Variants in VWF observed in about 807,000 individuals in gnomAD.
VWF encodes the protein von Willebrand factor, also known as Factor VIII related antigen.
A neutral mutation model predicts 308.6 loss-of-function variants in VWF; 176 were observed. The observed-to-expected ratio is 0.57, with a 90% CI of 0.50 to 0.65. The LOEUF (loss-of-function observed/expected upper bound fraction) is 0.65. Among genes scored for constraint, VWF ranks in the 30% least tolerant of loss-of-function variants. VWF has a pLI of 0.00. For missense variants in VWF, 3,146 were observed against 3,648.2 expected (o/e 0.86, Z 3.55); for synonymous variants, 1,385 against 1,443.4 (o/e 0.96, Z 0.92).
At position 6,046,903 on chromosome 12, in the gene VWF, C is replaced by T; in HGVS notation, c.2187-86G>A. On this transcript the variant is annotated intron_variant, in intron 16 of 51. Coordinates refer to ENST00000261405, the MANE Select transcript of VWF (RefSeq NM_000552.5). The surrounding 1 kb of genome is among the most constrained non-coding windows in gnomAD (Gnocchi z 5.0). ...ATCTTCACCTCCCACTCACTCTCTG[C>T]CCCTTCCAACCAGGTCCCAGTCCCA... 1 of 1,225,948 alleles carries T rather than the reference C, an allele frequency of 8.2e-7. No homozygotes were observed. The highest frequency in any genetic ancestry group is 2.5e-5 in the East Asian group (1 of 40,754). 75.9% of individuals were successfully genotyped at this position (1,225,948 alleles called of 1,614,324 possible). A position where few individuals can be genotyped will look rare whatever the true frequency, so the allele number is the denominator to read the frequency against.
intron 47 of VWF, among the ~76,000 whole-genome samples, chr12:5,959,470 G>T (rs1046185557): frequency 1.3e-5 from 2 of 152,120 alleles, no homozygotes; most frequent in Non-Finnish European, 2.9e-5. Flanking sequence ...GAACCAATAT[G>T]ACCTAGTTGG....
At chr12:6,040,824 G>T (rs1944388243) in intron 18 of VWF, among the ~76,000 whole-genome samples, 2 of 152,190 alleles carry the variant, frequency 1.3e-5, no homozygotes, top group Non-Finnish European at 2.9e-5. Context: ...CAGGTGCCAG[G>T]CCTGGGACAA....
intron 32 of VWF, among the ~76,000 whole-genome samples, chr12:6,012,703 ATT>A (rs148790795): frequency 0.056 from 7,329 of 130,642 alleles, 640 homozygotes; most frequent in African/African-American, 0.19. Context: ...GTGTGTGTGT[ATT>A]TTTTTTTTTT....
chr12:5,991,115 GT>G (rs1943736687), intron 38 of VWF, among the ~76,000 whole-genome samples: 1 of 151,304 alleles, frequency 6.6e-6, no homozygotes, highest in Admixed American at 6.6e-5. Flanking sequence ...GTATTTATGA[GT>G]GACACAGGAT....
At chr12:6,108,341 A>C (rs1945267417) in intron 5 of VWF, among the ~76,000 whole-genome samples, 1 of 136,398 alleles carries the variant, frequency 7.3e-6, no homozygotes, top group Admixed American at 7.1e-5. Context: ...ATATACACAC[A>C]CACACACACA....
chr12:6,123,093 CA>C (rs1168129613), intron 2 of VWF, 48 bp downstream of exon 2: 1 of 1,611,476 alleles, frequency 6.2e-7, no homozygotes, highest in East Asian at 2.2e-5. Context: ...GGTGTCACTC[CA>C]GATGGCCCTG....
rs376088085 is a variant in VWF, at chr12:6,110,597, C to T, written c.324-15G>A. ...GCATGGAGACTCTGGAGGGCAAAGG[C>T]TAAGTTCAGAAGTGGGCTTCTTGTG... On this transcript the variant is annotated splice_polypyrimidine_tract_variant and intron_variant, in intron 4 of 51. Transcript: ENST00000261405. 19 of 1,613,540 alleles carry T rather than the reference C, an allele frequency of 1.2e-5. No individual in the cohort carries two copies. In the African/African-American group the frequency reaches 1.7e-4, roughly 15 times the overall value.
chr12:5,983,030 A>T, intron 41 of VWF, 120 bp downstream of exon 41: 1 of 1,047,882 alleles, frequency 9.5e-7, no homozygotes, highest in South Asian at 1.4e-5. Flanking sequence ...CCCAACCCAG[A>T]TTCAGCTAGG....
chr12:6,078,670 C>T (rs1222275344), intron 6 of VWF, among the ~76,000 whole-genome samples: 1 of 152,320 alleles, frequency 6.6e-6, no homozygotes, highest in Admixed American at 6.5e-5. Context: ...CCCTGCACCA[C>T]AGGACTGATT....
intron 6 of VWF, among the ~76,000 whole-genome samples, chr12:6,092,612 A>AGAGT (rs1945052255): frequency 1.4e-5 from 1 of 70,432 alleles, no homozygotes; most frequent in Non-Finnish European, 2.7e-5. Flanking sequence ...TTAGTGAGTG[A>AGAGT]GTGAGAGTGT....
In VWF at chr12:6,075,003, C is replaced by T. The variant is rs1408142512; in HGVS notation, c.874+332G>A. On this transcript the variant is annotated intron_variant, in intron 7 of 51. Coordinates refer to ENST00000261405, the MANE Select transcript of VWF (RefSeq NM_000552.5). The surrounding 1 kb of genome is among the most constrained non-coding windows in gnomAD (Gnocchi z 4.7). Reference sequence around the variant, plus strand: ...GGCGGGCAGGCGGTGAAGACAAAAACCAAAACCGCAACTGCCAAGATCTTG... The same window carrying T: ...GGCGGGCAGGCGGTGAAGACAAAAATCAAAACCGCAACTGCCAAGATCTTG... 1.3e-5 allele frequency among the ~76,000 whole-genome samples: 2 copies of T among 151,928 alleles called. No homozygotes were observed. The highest frequency in any genetic ancestry group is 2.4e-5 in the African/African-American group (1 of 41,340).
intron 34 of VWF, among the ~76,000 whole-genome samples, chr12:6,006,559 T>C (rs771407146): frequency 9.9e-5 from 15 of 152,182 alleles, no homozygotes; most frequent in East Asian, 9.7e-4. Flanking sequence ...AGGCAGATCA[T>C]GAGAGATCAG....
intron 37 of VWF, among the ~76,000 whole-genome samples, chr12:5,993,057 G>C (rs1943763090): frequency 6.6e-6 from 1 of 152,168 alleles, no homozygotes; most frequent in African/African-American, 2.4e-5. Context: ...CCATCCACCA[G>C]CTGAGCTGGG....
chr12:6,028,459 C>A (rs1263252153), intron 22 of VWF, among the ~76,000 whole-genome samples: 1 of 152,072 alleles, frequency 6.6e-6, no homozygotes, highest in Non-Finnish European at 1.5e-5. Context: ...ACATAATTGT[C>A]AGATTTACCA....
At position 6,013,745 on chromosome 12, in the gene VWF, T is replaced by C. The variant is rs1591859101; in HGVS notation, c.5456-100A>G. On this transcript the variant is annotated intron_variant, in intron 31 of 51. Coordinates refer to ENST00000261405, the MANE Select transcript of VWF (RefSeq NM_000552.5). ...AGCATCTGAATACAGCCTCATGTTT[T>C]CCAGGCTGGTCACATACATCAGCCC... 11 of 1,389,734 alleles carry C rather than the reference T, an allele frequency of 7.9e-6. No individual in the cohort carries two copies. In the East Asian group the frequency reaches 2.1e-4, roughly 26 times the overall value. The allele number at this position is 1,389,734 out of a possible 1,614,324, so 86.1% of individuals were successfully genotyped here. A position where few individuals can be genotyped will look rare whatever the true frequency, so the allele number is the denominator to read the frequency against.
chr12:5,975,663 T>C (rs780159443), intron 43 of VWF, among the ~76,000 whole-genome samples: 1 of 152,204 alleles, frequency 6.6e-6, no homozygotes, highest in Non-Finnish European at 1.5e-5. Context: ...GCGAAGGTGA[T>C]ACATGAGGGT....
intron 6 of VWF, among the ~76,000 whole-genome samples, chr12:6,086,172 C>T (rs1044496481): frequency 1.3e-5 from 2 of 152,190 alleles, no homozygotes; most frequent in East Asian, 1.9e-4. Context: ...GTAACTTACA[C>T]GAGGACATGC....
chr12:6,088,205 G>A (rs906413270), intron 6 of VWF, among the ~76,000 whole-genome samples: 8 of 150,290 alleles, frequency 5.3e-5, no homozygotes, highest in African/African-American at 1.2e-4. Flanking sequence ...TTGGCCGGGC[G>A]CGGTGGCTCA....
intron 22 of VWF, among the ~76,000 whole-genome samples, chr12:6,028,161 A>T (rs1944216782): frequency 6.6e-6 from 1 of 152,182 alleles, no homozygotes; most frequent in African/African-American, 2.4e-5. Context: ...CATACATGCC[A>T]CTTAAAGAAA....
Sources: gnomAD v4.1 joint callset for allele counts (sites outside exome capture counted in the v4.1 genomes callset) on GRCh38, gnomAD v4.1.1 for gene constraint, Gnocchi (gnomAD v3.1) non-coding constraint, MANE v1.5 for transcripts, NCBI Gene and HGNC (gene_info 2026-07-23, HGNC 2026-07-21) for gene names.